Variants in ESRRG observed in about 807,000 individuals in gnomAD.
The protein encoded by ESRRG is estrogen related receptor gamma.
Under a neutral mutation model 44.0 loss-of-function variants are expected in ESRRG, and 13 were observed. That is an observed-to-expected ratio of 0.30 (90% CI 0.19 to 0.47). The LOEUF (loss-of-function observed/expected upper bound fraction) is 0.47, where lower values mean the gene tolerates loss of function less well. ESRRG is among the 20% of genes least tolerant of loss of function. ESRRG has a pLI of 1.00. For missense variants in ESRRG, 395 were observed against 580.6 expected, an observed-to-expected ratio of 0.68 and a Z score of 3.29; for synonymous variants, 215 against 214.6, an observed-to-expected ratio of 1.00 and a Z score of -0.02.
In ESRRG at chr1:216,506,800, A is replaced by C. The variant is rs1359872250; in HGVS notation, c.*139T>G. ...TATGGAGGAATCTGAAAGCTGCTTC[A>C]TAGTCTTGCTGCTAAATTATCAGTG... On this transcript the variant is annotated 3_prime_UTR_variant, in exon 7 of 7. Coordinates refer to ENST00000408911, the MANE Select transcript of ESRRG (RefSeq NM_001438.4). The C allele has an allele frequency of 1.1e-6, 1 of 911,176 alleles. No individual in the cohort carries two copies. Among genetic ancestry groups the C allele is most frequent in the Non-Finnish European group, 1.7e-6 (1 of 598,480 alleles). 56.4% of individuals were successfully genotyped at this position (911,176 alleles called of 1,614,324 possible).
chr1:216,768,154 A>G (rs1018884064), intron 2 of ESRRG, among the ~76,000 whole-genome samples: 8 of 152,142 alleles, frequency 5.3e-5, no homozygotes. Flanking sequence ...GACTAAGGCC[A>G]TAGCTAACAA....
At chr1:216,702,231 C>T (rs1205680951) in intron 1 of ESRRG, among the ~76,000 whole-genome samples, 1 of 152,046 alleles carries the variant, frequency 6.6e-6, no homozygotes, top group Non-Finnish European at 1.5e-5. Context: ...GATGAAAACG[C>T]TGATCAAATA....
chr1:216,836,879 C>A (rs773310130), intron 2 of ESRRG, among the ~76,000 whole-genome samples: 7 of 151,968 alleles, frequency 4.6e-5, no homozygotes, highest in Non-Finnish European at 7.4e-5. Context: ...AAAAGAGGGG[C>A]AAAGCAGAGA....
intron 2 of ESRRG, among the ~76,000 whole-genome samples, chr1:216,830,483 G>A (rs186941878): frequency 1.4e-3 from 206 of 152,294 alleles, no homozygotes; most frequent in African/African-American, 4.6e-3. Flanking sequence ...CAGCCCTCTC[G>A]CTTTGAGAGG....
chr1:217,136,906 A>T (rs2093057705), intron 1 of ESRRG, among the ~76,000 whole-genome samples: 1 of 152,136 alleles, frequency 6.6e-6, no homozygotes, highest in African/African-American at 2.4e-5. Context: ...GTGGGGATTG[A>T]GGAAATTGGA....
At chr1:216,881,013 C>A (rs887133823) in intron 2 of ESRRG, among the ~76,000 whole-genome samples, 1 of 151,930 alleles carries the variant, frequency 6.6e-6, no homozygotes, top group African/African-American at 2.4e-5. Context: ...CAGTCAGCCA[C>A]GGGGAAAATC....
intron 1 of ESRRG, among the ~76,000 whole-genome samples, chr1:216,718,645 C>CA (rs141695180): frequency 0.019 from 2,896 of 152,052 alleles, 90 homozygotes; most frequent in African/African-American, 0.066. Flanking sequence ...TGCTTTAGGA[C>CA]ATGACAATTT....
intron 5 of ESRRG, among the ~76,000 whole-genome samples, chr1:216,555,216 A>C: frequency 6.6e-6 from 1 of 152,206 alleles, no homozygotes; most frequent in East Asian, 1.9e-4. Flanking sequence ...ACAGATGAGC[A>C]AAGGTACATG....
chr1:216,741,846 C>T (rs1339353), intron 2 of ESRRG, among the ~76,000 whole-genome samples: 150,196 of 152,308 alleles, frequency 0.99, 74,095 homozygotes, highest in Middle Eastern at 1. Context: ...TTGTCAACTT[C>T]TAAGTCCTAT....
intron 1 of ESRRG, among the ~76,000 whole-genome samples, chr1:217,081,274 C>T (rs1457171558): frequency 8.1e-6 from 1 of 123,626 alleles, no homozygotes; most frequent in Non-Finnish European, 1.6e-5. Context: ...GTTGCCCAGG[C>T]TGGAGTGCAA....
chr1:216,512,201 T>C (rs939291797), intron 6 of ESRRG, among the ~76,000 whole-genome samples: 1 of 152,162 alleles, frequency 6.6e-6, no homozygotes, highest in African/African-American at 2.4e-5. Flanking sequence ...TTATGTATCT[T>C]GCAATGAACA....
chr1:216,917,854 A>C (rs2061379788), intron 2 of ESRRG, among the ~76,000 whole-genome samples: 1 of 152,236 alleles, frequency 6.6e-6, no homozygotes, highest in Non-Finnish European at 1.5e-5. Flanking sequence ...TGTCATGAGC[A>C]ATCATAGTAG....
intron 1 of ESRRG, among the ~76,000 whole-genome samples, chr1:217,096,488 C>G (rs2092424334): frequency 6.6e-6 from 1 of 152,172 alleles, no homozygotes; most frequent in Admixed American, 6.5e-5. Flanking sequence ...CTGGGCAAGT[C>G]ATTCAACTTC....
chr1:216,515,243 ATGCATGGATGTGTG>A (rs2043880838), intron 6 of ESRRG, among the ~76,000 whole-genome samples: 1 of 151,996 alleles, frequency 6.6e-6, no homozygotes, highest in Non-Finnish European at 1.5e-5. Context: ...TAATATATAT[ATGCATGGATGTGTG>A]TACACGTATG....
upstream of ESRRG, among the ~76,000 whole-genome samples, chr1:216,726,957 T>C (rs2087653944): frequency 6.6e-6 from 1 of 152,242 alleles, no homozygotes; most frequent in Non-Finnish European, 1.5e-5. Context: ...GAATCATTTC[T>C]TGCAACATTC....
At chr1:216,509,120 G>A (rs146203296) in intron 6 of ESRRG, among the ~76,000 whole-genome samples, 13 of 152,238 alleles carry the variant, frequency 8.5e-5, no homozygotes, top group African/African-American at 2.9e-4. Context: ...TAGAAGACAC[G>A]TGGCACTGGT....
intron 1 of ESRRG, among the ~76,000 whole-genome samples, chr1:216,680,996 A>G (rs557979338): frequency 1.3e-5 from 2 of 152,018 alleles, no homozygotes; most frequent in East Asian, 3.9e-4. Flanking sequence ...AATAAGCCCA[A>G]TTCCACATTG....
At chr1:216,519,091 G>A (rs2045277808) in intron 6 of ESRRG, 61 bp downstream of exon 6, 4 of 1,468,180 alleles carry the variant, frequency 2.7e-6, no homozygotes, top group Non-Finnish European at 3.8e-6. Context: ...AAGAAGTTAA[G>A]GAGAGGGGTA....
At chr1:216,807,267 T>A (rs1312049157) in intron 2 of ESRRG, among the ~76,000 whole-genome samples, 1 of 152,160 alleles carries the variant, frequency 6.6e-6, no homozygotes, top group Non-Finnish European at 1.5e-5. Context: ...CTCTTGGGGA[T>A]CTCATAATTG....
Sources: gnomAD v4.1 joint callset for allele counts (sites outside exome capture counted in the v4.1 genomes callset) on GRCh38, gnomAD v4.1.1 for gene constraint, MANE v1.5 for transcripts, NCBI Gene and HGNC (gene_info 2026-07-23, HGNC 2026-07-21) for gene names.